NDRG3: variants seen among roughly 807,000 people sequenced by gnomAD.
The protein encoded by NDRG3 is NDRG family member 3.
Under a neutral mutation model 57.2 loss-of-function variants are expected in NDRG3, and 23 were observed. The observed-to-expected ratio is 0.40, with a 90% CI of 0.29 to 0.57. The LOEUF (loss-of-function observed/expected upper bound fraction) is 0.57, where lower values mean the gene tolerates loss of function less well. Ranked by LOEUF, NDRG3 falls within the 20% of genes least tolerant of loss-of-function variation. The pLI is 0.42. For synonymous variants in NDRG3, 132 were observed against 162.6 expected (o/e 0.81, Z 1.43); for missense variants, 384 against 457.3 (o/e 0.84, Z 1.46).
chr20:36,732,645 C>T (rs942595487), intron 1 of NDRG3, among the ~76,000 whole-genome samples: 1 of 152,128 alleles, frequency 6.6e-6, no homozygotes, highest in Non-Finnish European at 1.5e-5. Flanking sequence ...CTTCACATTC[C>T]TCCCCACCAG....
chr20:36,656,985 C>T (rs1978731267), intron 13 of NDRG3, among the ~76,000 whole-genome samples: 1 of 152,236 alleles, frequency 6.6e-6, no homozygotes, highest in Non-Finnish European at 1.5e-5. Context: ...CTTGCTCAGT[C>T]AGCCACTTTC....
chr20:36,718,863 G>A (rs575755191), intron 2 of NDRG3, among the ~76,000 whole-genome samples: 1 of 151,850 alleles, frequency 6.6e-6, no homozygotes, highest in Admixed American at 6.6e-5. Context: ...TTAATTTTTT[G>A]GTAGACAGGA....
intron 2 of NDRG3, among the ~76,000 whole-genome samples, chr20:36,712,587 A>ATATATATATATATT (rs57260715): frequency 1.7e-4 from 1 of 5,910 alleles, no homozygotes; most frequent in Non-Finnish European, 3.1e-4. Flanking sequence ...ATATATATAT[A>ATATATATATATATT]TTTTTTTTTT....
chr20:36,682,563 A>G lies in NDRG3; in HGVS notation c.399T>C (p.Ile133=), dbSNP rs35144001. 2.2e-3 allele frequency: 3,527 copies of G among 1,614,038 alleles called. 8 individuals carry two copies. Among genetic ancestry groups the G allele is most frequent in the Non-Finnish European group, 2.7e-3 (3,180 of 1,179,908 alleles). The part of the protein sequence containing the change: ...VLTHLSLKSI[I]GIGVGAGAYI... ...AAGCTCCAGCTCCAACTCCAATTCC[A>G]ATGATGCTTTTCAGGCTGTGAATGG... The change falls in exon 7 of 16, where the codon ATT becomes ATC. Residue 133 remains isoleucine (I), a synonymous_variant. Transcript: ENST00000349004.
At chr20:36,672,525 G>A (rs1980258832) in intron 8 of NDRG3, among the ~76,000 whole-genome samples, 1 of 152,152 alleles carries the variant, frequency 6.6e-6, no homozygotes, top group South Asian at 2.1e-4. Context: ...GTGATGCACA[G>A]GTTATGAACT....
intron 8 of NDRG3, among the ~76,000 whole-genome samples, chr20:36,673,521 C>T (rs1980365631): frequency 6.6e-6 from 1 of 151,862 alleles, no homozygotes; most frequent in Admixed American, 6.6e-5. Flanking sequence ...ATTCTTCAAC[C>T]TCAGCTCCCG....
intron 1 of NDRG3, among the ~76,000 whole-genome samples, chr20:36,743,398 G>A (rs951194604): frequency 2.0e-5 from 3 of 152,188 alleles, no homozygotes; most frequent in Admixed American, 2.0e-4. Context: ...GGTGGCTGAG[G>A]CAGGAAAATC....
Position 36,684,455 on chromosome 20 carries a change from T to G in NDRG3, c.341A>C (p.Asp114Ala). 6.2e-7 allele frequency: 1 copy of G among 1,614,076 alleles called. No homozygotes were observed. The highest frequency in any genetic ancestry group is 8.5e-7 in the Non-Finnish European group (1 of 1,179,958). Residue 114 changes from aspartate to alanine, a missense_variant, in exon 6 of 16, where the codon GAT becomes GCT. Asp to Ala is a moderately radical substitution (Grantham distance 126). Coordinates refer to ENST00000349004, the MANE Select transcript of NDRG3 (RefSeq NM_032013.4). ...FPTGYQYPTM[D>A]ELAEMLPPVL... ...AGGAGGCAGCATTTCAGCCAGCTCA[T>G]CCATTGTGGGGTACTGATACCTGCA...
Position 36,654,808 on chromosome 20 carries a change from G to T in NDRG3, c.947-1107C>A, listed in dbSNP as rs763219092. The T allele has an allele frequency of 1.0e-5, 8 of 779,774 alleles. No homozygotes were observed. In the Admixed American group the frequency reaches 1.4e-4, roughly 13 times the overall value. The allele number at this position is 779,774 out of a possible 1,614,324, so 48.3% of individuals were successfully genotyped here. A position where few individuals can be genotyped will look rare whatever the true frequency, so the allele number is the denominator to read the frequency against. ...CAGCACAGAGGAAGGTACCTGACTCGGTGCTCAGGTGACTGAGCTGCACAT... is the reference window on the plus strand; with the variant it reads ...CAGCACAGAGGAAGGTACCTGACTCTGTGCTCAGGTGACTGAGCTGCACAT... On this transcript the variant is annotated intron_variant, in intron 15 of 15. Coordinates refer to ENST00000349004, the MANE Select transcript of NDRG3 (RefSeq NM_032013.4).
intron 13 of NDRG3, 65 bp downstream of exon 13, chr20:36,660,272 T>G: frequency 7.9e-7 from 1 of 1,259,592 alleles, no homozygotes; most frequent in Non-Finnish European, 1.1e-6. Context: ...AAGCAATTAT[T>G]CCAGAAAATA....
intron 1 of NDRG3, among the ~76,000 whole-genome samples, 182 bp downstream of exon 1, chr20:36,745,863 G>T (rs1442509285): frequency 2.0e-5 from 3 of 151,508 alleles, no homozygotes; most frequent in Non-Finnish European, 4.4e-5. Context: ...GGCTGACCTG[G>T]GTCCGGCGGG....
intron 8 of NDRG3, among the ~76,000 whole-genome samples, chr20:36,673,540 G>C (rs1271336367): frequency 1.3e-5 from 2 of 151,946 alleles, no homozygotes; most frequent in Non-Finnish European, 2.9e-5. Context: ...CGAGTAGCTG[G>C]GAACACAGGC....
At chr20:36,689,086 C>T (rs1039613279) in intron 3 of NDRG3, among the ~76,000 whole-genome samples, 1 of 152,076 alleles carries the variant, frequency 6.6e-6, no homozygotes, top group African/African-American at 2.4e-5. Flanking sequence ...CCCAGCTACT[C>T]AGGAGGCTAA....
intron 3 of NDRG3, among the ~76,000 whole-genome samples, chr20:36,701,631 T>C (rs1194049833): frequency 7.0e-6 from 1 of 142,778 alleles, no homozygotes; most frequent in Admixed American, 7.4e-5. Flanking sequence ...CACCACAACC[T>C]CCGCCTCCTG....
chr20:36,687,264 C>T lies in NDRG3; in HGVS notation c.320+228G>A, dbSNP rs540903631. Among the ~76,000 whole-genome samples, 3 of 152,286 alleles carry T rather than the reference C, an allele frequency of 2.0e-5. No homozygotes were observed. In the East Asian group the frequency reaches 5.8e-4, roughly 29 times the overall value. ...GAGATTACAGGAAAGCAGGCACCTG[C>T]TATGGAGAGCCATTCCTGGATATGG... On this transcript the variant is annotated intron_variant, in intron 5 of 15. Coordinates refer to ENST00000349004, the MANE Select transcript of NDRG3 (RefSeq NM_032013.4).
At chr20:36,669,661 G>A (rs978192357) in intron 9 of NDRG3, among the ~76,000 whole-genome samples, 3 of 151,954 alleles carry the variant, frequency 2.0e-5, no homozygotes, top group Middle Eastern at 3.4e-3. Flanking sequence ...CATGGCGCGC[G>A]GCCGATTTTT....
rs1158275014 is a variant in NDRG3 at position 36,691,039 on chromosome 20, G to A, written c.94-2255C>T. Among the ~76,000 whole-genome samples, 4 of 152,208 alleles carry A rather than the reference G, an allele frequency of 2.6e-5. No homozygotes were observed. In the South Asian group the frequency reaches 6.2e-4, roughly 24 times the overall value. Reference sequence around the variant, plus strand: ...AAAAAATTACCATTCCTATCCTAGCGAATTTCTGTTGATGAAGCCTGTATC... The same window carrying A: ...AAAAAATTACCATTCCTATCCTAGCAAATTTCTGTTGATGAAGCCTGTATC... On this transcript the variant is annotated intron_variant, in intron 3 of 15. Coordinates refer to ENST00000349004, the MANE Select transcript of NDRG3 (RefSeq NM_032013.4).
intron 4 of NDRG3, among the ~76,000 whole-genome samples, chr20:36,688,475 G>A (rs997958147): frequency 2.6e-5 from 4 of 151,886 alleles, no homozygotes; most frequent in African/African-American, 4.8e-5. Context: ...ACATGAAGGC[G>A]AGATGTGATT....
intron 9 of NDRG3, among the ~76,000 whole-genome samples, chr20:36,669,898 C>T (rs565734644): frequency 6.6e-6 from 1 of 152,140 alleles, no homozygotes; most frequent in Admixed American, 6.5e-5. Flanking sequence ...TGCGCCTGAC[C>T]CCTAATTTGT....
Sources: allele counts gnomAD v4.1 joint callset (sites outside exome capture counted in the v4.1 genomes callset), GRCh38; gene constraint gnomAD v4.1.1; transcripts MANE v1.5; gene names NCBI Gene and HGNC (gene_info 2026-07-23, HGNC 2026-07-21).